The following GUCY1A2 variants were observed in gnomAD, a reference collection of about 807,000 sequenced individuals.
GUCY1A2 encodes guanylate cyclase soluble subunit alpha-2.
Under a neutral mutation model 63.5 loss-of-function variants are expected in GUCY1A2, and 27 were observed. The observed-to-expected ratio is 0.43, with a 90% CI of 0.31 to 0.59. GUCY1A2 has a LOEUF of 0.59. Ranked by LOEUF, GUCY1A2 falls within the 20% of genes least tolerant of loss-of-function variation. GUCY1A2 has a pLI of 0.11. For missense variants in GUCY1A2, 768 were observed against 913.3 expected (o/e 0.84, Z 2.05); for synonymous variants, 364 against 343.5 (o/e 1.06, Z -0.66).
intron 6 of GUCY1A2, among the ~76,000 whole-genome samples, chr11:106,710,822 G>T (rs1467868714): frequency 1.3e-5 from 2 of 151,952 alleles, no homozygotes; most frequent in African/African-American, 4.8e-5. Context: ...TTGGAGGGAG[G>T]AAACCTGACC....
Position 106,763,577 on chromosome 11 carries a change from C to G in GUCY1A2, c.1836+12862G>C, listed in dbSNP as rs562707473. Among the ~76,000 whole-genome samples the G allele has an allele frequency of 3.3e-5, 5 of 152,144 alleles. No homozygotes were observed. The East Asian group carries it at 7.7e-4, about 23-fold the overall frequency. ...AGATAAACTAACTAATTAAGGCAAACAAGTTGAATGGAATCCTAGAATCAG... is the reference window on the plus strand; with the variant it reads ...AGATAAACTAACTAATTAAGGCAAAGAAGTTGAATGGAATCCTAGAATCAG... On this transcript the variant is annotated intron_variant, in intron 6 of 7. Coordinates refer to ENST00000526355, the MANE Select transcript of GUCY1A2 (RefSeq NM_000855.3).
At chr11:107,016,688 AG>A (rs1293248859) in intron 1 of GUCY1A2, among the ~76,000 whole-genome samples, 1 of 152,246 alleles carries the variant, frequency 6.6e-6, no homozygotes, top group Non-Finnish European at 1.5e-5. Context: ...GAGAGAGTAA[AG>A]GATGAGGTGC....
rs138319699 is a variant in GUCY1A2 at position 106,837,651 on chromosome 11, C to A, written c.1207-27173G>T. 6.6e-5 allele frequency among the ~76,000 whole-genome samples: 10 copies of A among 151,906 alleles called. No homozygotes were observed. In the East Asian group the frequency reaches 1.9e-3, roughly 30 times the overall value. ...TCATCTGCAAGTTTTTTCAAATTGT[C>A]GCAAATCTCCAAAACATTTTCCAAT... On this transcript the variant is annotated intron_variant, in intron 4 of 7. Coordinates refer to ENST00000526355, the MANE Select transcript of GUCY1A2 (RefSeq NM_000855.3).
Position 106,740,244 on chromosome 11 carries a change from C to T in GUCY1A2, c.1837-31578G>A, listed in dbSNP as rs112716286. ...CAAACTCCTCACCTCAGGTGACCCACGTGCCTTGGCCTCCCAACAATGTGC... is the reference window on the plus strand; with the variant it reads ...CAAACTCCTCACCTCAGGTGACCCATGTGCCTTGGCCTCCCAACAATGTGC... On this transcript the variant is annotated intron_variant, in intron 6 of 7. Coordinates refer to ENST00000526355, the MANE Select transcript of GUCY1A2 (RefSeq NM_000855.3). Among the ~76,000 whole-genome samples the T allele has an allele frequency of 7.0e-3, 1,060 of 152,022 alleles. 10 individuals carry two copies. The highest frequency in any genetic ancestry group is 8.8e-3 in the Non-Finnish European group (596 of 67,998).
At chr11:106,940,509 T>A (rs185952510) in intron 3 of GUCY1A2, among the ~76,000 whole-genome samples, 1 of 152,162 alleles carries the variant, frequency 6.6e-6, no homozygotes, top group African/African-American at 2.4e-5. Flanking sequence ...CCCCGACACA[T>A]GCACAGCCTG....
chr11:106,932,485 T>C (rs889979674), intron 4 of GUCY1A2, among the ~76,000 whole-genome samples: 2 of 152,094 alleles, frequency 1.3e-5, no homozygotes, highest in Non-Finnish European at 2.9e-5. Flanking sequence ...CAAAATATCA[T>C]ACATGAGCCT....
At chr11:106,798,532 C>T (rs1864810118) in intron 5 of GUCY1A2, among the ~76,000 whole-genome samples, 1 of 152,072 alleles carries the variant, frequency 6.6e-6, no homozygotes, top group Non-Finnish European at 1.5e-5. Flanking sequence ...ACTGGCAAAC[C>T]AAATCCAGCA....
intron 4 of GUCY1A2, among the ~76,000 whole-genome samples, chr11:106,893,635 G>T (rs1251293898): frequency 6.6e-6 from 1 of 152,070 alleles, no homozygotes; most frequent in Non-Finnish European, 1.5e-5. Flanking sequence ...TGAAAAATTA[G>T]CAACTCTTCT....
chr11:106,895,608 C>CA (rs1333172366), intron 4 of GUCY1A2, among the ~76,000 whole-genome samples: 1 of 152,164 alleles, frequency 6.6e-6, no homozygotes, highest in Non-Finnish European at 1.5e-5. Context: ...GTTCCTGCTT[C>CA]ACCTTCTGCC....
At chr11:106,903,537 T>C (rs937973363) in intron 4 of GUCY1A2, among the ~76,000 whole-genome samples, 9 of 152,176 alleles carry the variant, frequency 5.9e-5, no homozygotes, top group Non-Finnish European at 1.0e-4. Flanking sequence ...CAGGCCCTGG[T>C]TGAATCTGTA....
At chr11:106,967,790 G>C (rs1325368711) in intron 3 of GUCY1A2, among the ~76,000 whole-genome samples, 1 of 150,630 alleles carries the variant, frequency 6.6e-6, no homozygotes, top group African/African-American at 2.4e-5. Context: ...AAGGGAGGGA[G>C]GGAGGGATAA....
chr11:106,852,957 A>C (rs58468336), intron 4 of GUCY1A2, among the ~76,000 whole-genome samples: 1 of 152,096 alleles, frequency 6.6e-6, no homozygotes, highest in Non-Finnish European at 1.5e-5. Context: ...CAGCACTTGG[A>C]ATAGATCATT....
At chr11:106,746,788 TA>T (rs1170670405) in intron 6 of GUCY1A2, 1 of 523,910 alleles carries the variant, frequency 1.9e-6, no homozygotes. Context: ...GGTGGTACAA[TA>T]AAAAAATTAT....
chr11:106,806,027 A>C (rs1439505907), intron 5 of GUCY1A2, among the ~76,000 whole-genome samples: 1 of 152,146 alleles, frequency 6.6e-6, no homozygotes, highest in Non-Finnish European at 1.5e-5. Flanking sequence ...ATATGAGATC[A>C]TATTTTATTC....
intron 4 of GUCY1A2, among the ~76,000 whole-genome samples, chr11:106,906,894 A>G (rs1860215395): frequency 6.6e-6 from 1 of 152,090 alleles, no homozygotes; most frequent in South Asian, 2.1e-4. Flanking sequence ...ATGAGAACAC[A>G]TGGACACAGG....
At chr11:106,821,502 C>A (rs1487891) in intron 4 of GUCY1A2, among the ~76,000 whole-genome samples, 51,995 of 152,038 alleles carry the variant, frequency 0.34, 9,241 homozygotes, top group East Asian at 0.46. Context: ...ATTCACACAT[C>A]CCATGGGAGA....
At chr11:106,798,813 G>A (rs1165932209) in intron 5 of GUCY1A2, among the ~76,000 whole-genome samples, 1 of 152,040 alleles carries the variant, frequency 6.6e-6, no homozygotes. Context: ...ATATCATACT[G>A]AATGGGCAAA....
At chr11:106,831,306 C>T (rs1028919332) in intron 4 of GUCY1A2, among the ~76,000 whole-genome samples, 1 of 152,120 alleles carries the variant, frequency 6.6e-6, no homozygotes, top group Non-Finnish European at 1.5e-5. Context: ...ACATGAACAA[C>T]GTGTAAAAAA....
At chr11:106,817,317 A>T (rs555126601) in intron 4 of GUCY1A2, among the ~76,000 whole-genome samples, 1 of 152,220 alleles carries the variant, frequency 6.6e-6, no homozygotes, top group African/African-American at 2.4e-5. Context: ...TTAAGCTTGG[A>T]GTATTTGCAC....
Sources: allele counts gnomAD v4.1 joint callset (sites outside exome capture counted in the v4.1 genomes callset), GRCh38; gene constraint gnomAD v4.1.1; transcripts MANE v1.5; gene names NCBI Gene and HGNC (gene_info 2026-07-23, HGNC 2026-07-21).